TERT: variants seen among roughly 807,000 people sequenced by gnomAD.
TERT encodes the protein telomerase reverse transcriptase.
A neutral mutation model predicts 104.0 loss-of-function variants in TERT; 42 were observed. The ratio of observed to expected loss-of-function variants is 0.40; its 90% confidence interval spans 0.32 to 0.52. The LOEUF (loss-of-function observed/expected upper bound fraction) is 0.52. Among genes scored for constraint, TERT ranks in the 20% least tolerant of loss-of-function variants. The probability of loss-of-function intolerance (pLI) is 0.43; values close to 1 mark genes in which losing one functional copy is unlikely to be tolerated. For synonymous variants in TERT, 781 were observed against 725.6 expected (o/e 1.08, Z -1.23); for missense variants, 1,101 against 1,610.3 (o/e 0.68, Z 5.41).
chr5:1,276,785 T>C (rs1415766735), intron 6 of TERT, among the ~76,000 whole-genome samples: 1 of 152,208 alleles, frequency 6.6e-6, no homozygotes, highest in Non-Finnish European at 1.5e-5. Context: ...ACAACCTCAA[T>C]ACCTTGAGTT....
intron 7 of TERT, among the ~76,000 whole-genome samples, chr5:1,271,928 G>C (rs527793306): frequency 2.4e-4 from 37 of 152,334 alleles, no homozygotes; most frequent in African/African-American, 8.7e-4. Context: ...AGCAAATCAT[G>C]AACAAAGGCA....
rs1750614189 is a variant in TERT, at chr5:1,288,288, G to A, written c.1573+5025C>T. Among the ~76,000 whole-genome samples, 1 of 152,208 alleles carries A rather than the reference G, an allele frequency of 6.6e-6. No homozygotes were observed. The highest frequency in any genetic ancestry group is 1.5e-5 in the Non-Finnish European group (1 of 68,044). On this transcript the variant is annotated intron_variant, in intron 2 of 15. Coordinates refer to ENST00000310581, the MANE Select transcript of TERT (RefSeq NM_198253.3). The surrounding 1 kb of genome is among the most constrained non-coding windows in gnomAD (Gnocchi z 5.3). ...CAGGGTGCAGGTAAGGCAGCACTTA[G>A]AGGGAAAGGCATGACTAAACTAAGA...
intron 6 of TERT, among the ~76,000 whole-genome samples, chr5:1,275,212 T>C (rs111397032): frequency 2.0e-5 from 3 of 152,102 alleles, no homozygotes; most frequent in African/African-American, 7.2e-5. Flanking sequence ...TCGTCTCTAC[T>C]AAAATTACAA....
In TERT at chr5:1,294,356, T is replaced by C; in HGVS notation, c.530A>G (p.Gln177Arg). The C allele has an allele frequency of 1.3e-6, 2 of 1,577,770 alleles. No individual in the cohort carries two copies. Among genetic ancestry groups the C allele is most frequent in the Non-Finnish European group, 8.6e-7 (1 of 1,169,536 alleles). Residue 177 changes from glutamine (Q) to arginine (R), a missense_variant, in exon 2 of 16, where the codon CAG (glutamine) becomes CGG (arginine). Physicochemically the swap from Gln to Arg is conservative, Grantham distance 43. Transcript: ENST00000310581. ...CCGGGCCTGAGTGGCAGCGCCGAGC[T>C]GGTACAGCGGCGGCCCGCACACCTG... ...AYQVCGPPLY[Q>R]LGAATQARPP... is the part of the protein sequence containing the mutation.
Position 1,268,206 on chromosome 5 carries a change from G to A in TERT, c.2582+314C>T, listed in dbSNP as rs1748754583. Among the ~76,000 whole-genome samples the A allele has an allele frequency of 6.6e-6, 1 of 152,202 alleles. No homozygotes were observed. On this transcript the variant is annotated intron_variant, in intron 9 of 15. Transcript: ENST00000310581. This position sits in a 1 kb window ranked among gnomAD's most constrained non-coding sequence, Gnocchi z 5.5. ...CTCCCCAAGGACCCTAACGGAACCTGGGTGACGTGACAGAAGCTGGTGTGC... is the reference window on the plus strand; with the variant it reads ...CTCCCCAAGGACCCTAACGGAACCTAGGTGACGTGACAGAAGCTGGTGTGC...
At chr5:1,258,834 C>G (rs1747948905) in intron 12 of TERT, among the ~76,000 whole-genome samples, 175 bp from the exon 13 acceptor site, 1 of 152,264 alleles carries the variant, frequency 6.6e-6, no homozygotes. Context: ...TGCGAACCAC[C>G]CTGGGCGAGT....
intron 6 of TERT, among the ~76,000 whole-genome samples, chr5:1,275,991 T>G (rs1418242973): frequency 1.1e-4 from 2 of 18,966 alleles, no homozygotes; most frequent in East Asian, 1.7e-3. Flanking sequence ...AAAAACCAAC[T>G]CCACAGATCC....
chr5:1,267,256 G>T (rs1748676663), intron 9 of TERT, among the ~76,000 whole-genome samples: 5 of 152,218 alleles, frequency 3.3e-5, no homozygotes, highest in African/African-American at 4.8e-5. Context: ...GAGAGAAATG[G>T]CTGTGTGGCC....
intron 6 of TERT, among the ~76,000 whole-genome samples, chr5:1,276,387 C>G (rs372769978): frequency 4.9e-4 from 69 of 139,574 alleles, no homozygotes; most frequent in Middle Eastern, 5.3e-3. Flanking sequence ...CCCCACCTAC[C>G]CCACGCATAA....
chr5:1,265,606 G>A lies in TERT; in HGVS notation c.2654+858C>T, dbSNP rs1360942118. Among the ~76,000 whole-genome samples the A allele has an allele frequency of 6.6e-6, 1 of 152,076 alleles. No homozygotes were observed. The highest frequency in any genetic ancestry group is 1.5e-5 in the Non-Finnish European group (1 of 68,006). On this transcript the variant is annotated intron_variant, in intron 10 of 15. Coordinates refer to ENST00000310581, the MANE Select transcript of TERT (RefSeq NM_198253.3). This position sits in a 1 kb window ranked among gnomAD's most constrained non-coding sequence, Gnocchi z 6.9. ...ACAGCCTGCTGTGCTCCGGGCTGCG[G>A]CACAAGGAACGCCAGGCATACCCCC...
chr5:1,272,084 C>A, intron 7 of TERT, 101 bp downstream of exon 7: 1 of 1,034,242 alleles, frequency 9.7e-7, no homozygotes, highest in Admixed American at 2.0e-5. Context: ...CCCCACTGCC[C>A]CCCAGGGCCA....
rs536787470 is a variant in TERT at position 1,255,839 on chromosome 5, G to A, written c.3033-428C>T. ...AACCTTGATGTCATCGTATATCAAC[G>A]TCCTGCGCATCCCTTCTGAGCCACC... On this transcript the variant is annotated intron_variant, in intron 13 of 15. Transcript: ENST00000310581. This position sits in a 1 kb window ranked among gnomAD's most constrained non-coding sequence, Gnocchi z 6.9. Among the ~76,000 whole-genome samples the A allele has an allele frequency of 9.9e-5, 15 of 151,908 alleles. No individual in the cohort carries two copies. Among genetic ancestry groups the A allele is most frequent in the Non-Finnish European group, 1.9e-4 (13 of 67,984 alleles).
Position 1,293,389 on chromosome 5 carries a change from C to T in TERT, c.1497G>A (p.Lys499=), listed in dbSNP as rs754473890. 4.3e-6 allele frequency: 7 copies of T among 1,613,392 alleles called. No individual in the cohort carries two copies. In the South Asian group the frequency reaches 6.6e-5, roughly 15 times the overall value. ...RNTKKFISLG[K]HAKLSLQELT... ...GCTCCTGCAGCGAGAGCTTGGCATG[C>T]TTCCCCAGGGAGATGAACTTCTTGG... Residue 499 remains lysine, a synonymous_variant, in exon 2 of 16, where the codon AAG becomes AAA. Coordinates refer to ENST00000310581, the MANE Select transcript of TERT (RefSeq NM_198253.3).
Position 1,272,165 on chromosome 5 carries a change from C to G in TERT, c.2382+20G>C, listed in dbSNP as rs886038759. The G allele has an allele frequency of 1.9e-6, 3 of 1,590,030 alleles. No homozygotes were observed. The highest frequency in any genetic ancestry group is 2.6e-6 in the Non-Finnish European group (3 of 1,166,436). On this transcript the variant is annotated intron_variant, in intron 7 of 15. Transcript: ENST00000310581. ...CACTGCTGGGAGTCCGTGCCCAACC[C>G]TGCAGGGCAGTGCCCAGACCTGCTC...
In TERT at chr5:1,285,665, G is replaced by A. The variant is rs111987151; in HGVS notation, c.1574-3041C>T. 1.0e-3 allele frequency among the ~76,000 whole-genome samples: 139 copies of A among 138,562 alleles called. 2 individuals carry two copies. The highest frequency in any genetic ancestry group is 3.6e-3 in the African/African-American group (136 of 37,446). The allele number at this position is 138,562 out of a possible 152,430, so 90.9% of individuals were successfully genotyped here. Reference sequence around the variant, plus strand: ...GCTCACTGCAACTTCCAACTCCCAGGTTCAAGCAATTCTCCTGCCTCAGCC... The same window carrying A: ...GCTCACTGCAACTTCCAACTCCCAGATTCAAGCAATTCTCCTGCCTCAGCC... On this transcript the variant is annotated intron_variant, in intron 2 of 15. Coordinates refer to ENST00000310581, the MANE Select transcript of TERT (RefSeq NM_198253.3).
Position 1,266,473 on chromosome 5 carries a change from GT to G in TERT, c.2644del (p.Thr882ProfsTer17). On this transcript the variant is annotated frameshift_variant, in exon 10 of 16. Transcript: ENST00000310581. LOFTEE classifies it high-confidence loss of function. ...LVTPHLTHAKTFLRTLVRGVP... is the reference protein window; with the variant it reads ...LVTPHLTHAKXFLRTLVRGVP... ...ACGGCACGGGCCTCACCTGAGGAAG[GT>G]TTTCGCGTGGGTGAGGTGAGGTGTC... 6.2e-7 allele frequency: 1 copy of G among 1,609,126 alleles called. No individual in the cohort carries two copies. Among genetic ancestry groups the G allele is most frequent in the Admixed American group, 1.7e-5 (1 of 59,526 alleles).
chr5:1,254,846 T>G (rs1747601502), intron 14 of TERT, among the ~76,000 whole-genome samples: 2 of 151,734 alleles, frequency 1.3e-5, no homozygotes, highest in African/African-American at 4.8e-5. Context: ...GGCTCTGTCG[T>G]GGTGATACGC....
chr5:1,271,258 G>T, intron 7 of TERT, 54 bp from the exon 8 acceptor site: 1 of 1,338,076 alleles, frequency 7.5e-7, no homozygotes, highest in Non-Finnish European at 1.1e-6. Flanking sequence ...GCTGAGACAG[G>T]CAGGACCACG....
rs753605674 is a variant in TERT at position 1,268,061 on chromosome 5, C to A, written c.2582+459G>T. Among the ~76,000 whole-genome samples, 1 of 152,076 alleles carries A rather than the reference C, an allele frequency of 6.6e-6. No homozygotes were observed. Among genetic ancestry groups the A allele is most frequent in the Non-Finnish European group, 1.5e-5 (1 of 68,024 alleles). ...GGTTGGCACGATATTTAGGTGTGTG[C>A]GTCCTTGGGTGTAGACCCCATGCAA... On this transcript the variant is annotated intron_variant, in intron 9 of 15. Transcript: ENST00000310581. The surrounding 1 kb of genome is among the most constrained non-coding windows in gnomAD (Gnocchi z 5.5).
Sources: allele counts gnomAD v4.1 joint callset (sites outside exome capture counted in the v4.1 genomes callset), GRCh38; gene constraint gnomAD v4.1.1; non-coding constraint Gnocchi (gnomAD v3.1); transcripts MANE v1.5; gene names NCBI Gene and HGNC (gene_info 2026-07-23, HGNC 2026-07-21).